Variants in SEMA3D observed in about 807,000 individuals in gnomAD.
SEMA3D encodes semaphorin-3D.
In SEMA3D, 84 loss-of-function variants were observed where a neutral mutation model predicts 100.1. The observed-to-expected ratio is 0.84, with a 90% CI of 0.70 to 1.01. The LOEUF (loss-of-function observed/expected upper bound fraction) is 1.01. SEMA3D is among the 50% of genes least tolerant of loss of function. The pLI is 0.00. For synonymous variants in SEMA3D, 312 were observed against 320.7 expected, an observed-to-expected ratio of 0.97 and a Z score of 0.29; for missense variants, 875 against 934.1, an observed-to-expected ratio of 0.94 and a Z score of 0.82.
At chr7:85,231,435 CCTT>C in the SEMA3D span, among the ~76,000 whole-genome samples, 1 of 137,858 alleles carries the variant, frequency 7.3e-6, no homozygotes, top group African/African-American at 2.8e-5. Context: ...CCAATCTTTC[CCTT>C]TTTTTTTTTT....
the SEMA3D span, among the ~76,000 whole-genome samples, chr7:85,232,909 C>A: frequency 6.6e-6 from 1 of 152,056 alleles, no homozygotes; most frequent in Non-Finnish European, 1.5e-5. Flanking sequence ...GGCCATTAAC[C>A]CTTTATGAGT....
chr7:85,029,300 T>C (rs761547738), intron 12 of SEMA3D: 17 of 1,060,258 alleles, frequency 1.6e-5, no homozygotes, highest in Middle Eastern at 3.0e-4. Flanking sequence ...AAGGAAGACA[T>C]TGAGCCTATG....
intron 1 of SEMA3D, among the ~76,000 whole-genome samples, chr7:85,156,134 G>A (rs936762389): frequency 5.5e-5 from 8 of 144,156 alleles, no homozygotes; most frequent in African/African-American, 7.7e-5. Flanking sequence ...ATGGAGTCTC[G>A]CTCTGTCACC....
At chr7:85,076,455 A>T (rs1413259267) in intron 5 of SEMA3D, among the ~76,000 whole-genome samples, 1 of 152,224 alleles carries the variant, frequency 6.6e-6, no homozygotes, top group Non-Finnish European at 1.5e-5. Context: ...ATGCATTAAC[A>T]CTTAGAATTT....
intron 1 of SEMA3D, among the ~76,000 whole-genome samples, chr7:85,177,159 T>A (rs1791258331): frequency 6.6e-6 from 1 of 152,158 alleles, no homozygotes; most frequent in Non-Finnish European, 1.5e-5. Context: ...GACTGTATAG[T>A]GCATGTATTC....
chr7:85,166,544 T>C (rs149972599), intron 1 of SEMA3D, among the ~76,000 whole-genome samples: 2 of 152,096 alleles, frequency 1.3e-5, no homozygotes, highest in African/African-American at 4.8e-5. Context: ...TGTGAACACA[T>C]ATTAACTCAA....
the SEMA3D span, among the ~76,000 whole-genome samples, chr7:85,219,764 A>G: frequency 6.6e-6 from 1 of 152,170 alleles, no homozygotes; most frequent in South Asian, 2.1e-4. Flanking sequence ...TAATTCTAAA[A>G]TTATACACGC....
chr7:85,246,200 C>T, the SEMA3D span, among the ~76,000 whole-genome samples: 1 of 152,000 alleles, frequency 6.6e-6, no homozygotes, highest in African/African-American at 2.4e-5. Context: ...ACAATTTGTG[C>T]TTTCAGTTTG....
chr7:85,182,717 T>C (rs891032236), intron 1 of SEMA3D, among the ~76,000 whole-genome samples: 4 of 152,204 alleles, frequency 2.6e-5, no homozygotes, highest in Non-Finnish European at 5.9e-5. Context: ...AGGAATGTGA[T>C]CAATGTTATT....
chr7:85,105,551 A>C (rs566497089), intron 3 of SEMA3D, among the ~76,000 whole-genome samples: 1 of 152,230 alleles, frequency 6.6e-6, no homozygotes, highest in Non-Finnish European at 1.5e-5. Flanking sequence ...TAAAGAAAAA[A>C]TATTAGTCAA....
chr7:85,154,929 G>C (rs887818288), intron 1 of SEMA3D, among the ~76,000 whole-genome samples: 4 of 152,130 alleles, frequency 2.6e-5, no homozygotes, highest in African/African-American at 9.7e-5. Flanking sequence ...TTCATTTAAA[G>C]ATAAAGCATA....
Position 85,035,062 on chromosome 7 carries a change from C to A in SEMA3D, c.1191+1827G>T, listed in dbSNP as rs543650857. On this transcript the variant is annotated intron_variant, in intron 12 of 18. Transcript: ENST00000284136. ...GCAGCACTATTCACAATAGTCAAGA[C>A]ATGGAAACAACCTAAATGTCTGTCA... Among the ~76,000 whole-genome samples, 28 of 151,930 alleles carry A rather than the reference C, an allele frequency of 1.8e-4. No individual in the cohort carries two copies. The South Asian group carries it at 5.8e-3, about 32-fold the overall frequency.
chr7:85,079,895 G>A (rs961446048), intron 5 of SEMA3D, among the ~76,000 whole-genome samples: 2 of 152,054 alleles, frequency 1.3e-5, no homozygotes, highest in South Asian at 2.1e-4. Context: ...GTAAAGTATC[G>A]GTGCTTTTGC....
chr7:85,192,621 G>A, the SEMA3D span, among the ~76,000 whole-genome samples: 4 of 152,064 alleles, frequency 2.6e-5, no homozygotes, highest in African/African-American at 9.7e-5. Flanking sequence ...CAGTAACATA[G>A]AATCATGTTG....
chr7:85,087,383 T>A (rs1427665863), intron 4 of SEMA3D, among the ~76,000 whole-genome samples: 1 of 152,208 alleles, frequency 6.6e-6, no homozygotes, highest in Non-Finnish European at 1.5e-5. Context: ...AGAGCCTTGA[T>A]ATCAAGGACT....
chr7:85,058,885 A>C (rs1054511168), intron 8 of SEMA3D, among the ~76,000 whole-genome samples: 2 of 152,072 alleles, frequency 1.3e-5, no homozygotes, highest in Admixed American at 1.3e-4. Flanking sequence ...TAGTGCAAAA[A>C]AAAAGAAAAC....
At chr7:85,235,851 C>G in the SEMA3D span, among the ~76,000 whole-genome samples, 1 of 152,068 alleles carries the variant, frequency 6.6e-6, no homozygotes, top group African/African-American at 2.4e-5. Context: ...AGGAGCATGG[C>G]AGGTTGGAGT....
chr7:85,050,208 G>T (rs1378279813), intron 9 of SEMA3D: 1 of 151,762 alleles, frequency 6.6e-6, no homozygotes, highest in African/African-American at 2.4e-5. Context: ...AATCTTTTCA[G>T]TGGGTTTATT....
intron 2 of SEMA3D, chr7:85,144,455 A>G: frequency 4.1e-6 from 4 of 979,854 alleles, no homozygotes; most frequent in Non-Finnish European, 4.8e-6. Context: ...TCTTCCCCAG[A>G]GGTAGAAAAT....
Sources: gnomAD v4.1 joint callset for allele counts (sites outside exome capture counted in the v4.1 genomes callset) on GRCh38, gnomAD v4.1.1 for gene constraint, MANE v1.5 for transcripts, NCBI Gene and HGNC (gene_info 2026-07-23, HGNC 2026-07-21) for gene names.